SNX25: variants seen among roughly 807,000 people sequenced by gnomAD.
SNX25 encodes the protein sorting nexin-25.
In SNX25, 62 loss-of-function variants were observed where a neutral mutation model predicts 113.7. That is an observed-to-expected ratio of 0.55 (90% CI 0.44 to 0.67). The LOEUF (loss-of-function observed/expected upper bound fraction) is 0.67, where lower values mean the gene tolerates loss of function less well. Ranked by LOEUF, SNX25 falls within the 30% of genes least tolerant of loss-of-function variation. SNX25 has a pLI of 0.00. For missense variants in SNX25, 1,014 were observed against 1,161.0 expected, an observed-to-expected ratio of 0.87 and a Z score of 1.84; for synonymous variants, 421 against 436.2, an observed-to-expected ratio of 0.97 and a Z score of 0.43.
intron 13 of SNX25, among the ~76,000 whole-genome samples, chr4:185,348,402 T>G (rs1362356401): frequency 6.6e-6 from 1 of 152,064 alleles, no homozygotes; most frequent in Non-Finnish European, 1.5e-5. Context: ...TTTCTTTATT[T>G]TTTTTTTTGA....
At chr4:185,310,593 C>T (rs369125370) in intron 6 of SNX25, 42 bp from the exon 7 acceptor site, 11 of 1,572,784 alleles carry the variant, frequency 7.0e-6, no homozygotes, top group South Asian at 1.2e-5. Context: ...TCCTTTCATG[C>T]CTTGTCCTCT....
chr4:185,305,243 C>T (rs1262420455), intron 6 of SNX25, among the ~76,000 whole-genome samples: 1 of 152,158 alleles, frequency 6.6e-6, no homozygotes, highest in Non-Finnish European at 1.5e-5. Context: ...CCCCCCACAG[C>T]TGAGAACTAC....
At chr4:185,233,700 G>GTT (rs1560914318) in intron 1 of SNX25, among the ~76,000 whole-genome samples, 1 of 152,032 alleles carries the variant, frequency 6.6e-6, no homozygotes, top group Non-Finnish European at 1.5e-5. Flanking sequence ...ATTTTCAAGT[G>GTT]TTTGTCTGAT....
At chr4:185,370,601 T>A (rs552289992), downstream of SNX25, 1 of 1,597,810 alleles carries the variant, frequency 6.3e-7, no homozygotes, top group East Asian at 2.2e-5. Context: ...GCCTGGCAGT[T>A]TCTCTTTGGG....
chr4:185,250,553 G>A (rs1745486359), intron 2 of SNX25, among the ~76,000 whole-genome samples: 1 of 152,176 alleles, frequency 6.6e-6, no homozygotes, highest in African/African-American at 2.4e-5. Context: ...TTTACTGCCT[G>A]TACCTCTAAG....
chr4:185,224,221 G>A (rs1195806574), intron 1 of SNX25, among the ~76,000 whole-genome samples: 4 of 151,668 alleles, frequency 2.6e-5, no homozygotes, highest in Admixed American at 6.6e-5. Flanking sequence ...GCATGGTGGC[G>A]TATGCCTGTA....
chr4:185,212,491 G>T (rs59400541), intron 1 of SNX25, among the ~76,000 whole-genome samples: 7,538 of 103,900 alleles, frequency 0.073, 512 homozygotes, highest in Non-Finnish European at 0.092. Flanking sequence ...GTGTGTGTGT[G>T]TTTTTTTTTT....
At chr4:185,240,416 C>T (rs1743604427) in intron 1 of SNX25, among the ~76,000 whole-genome samples, 1 of 150,576 alleles carries the variant, frequency 6.6e-6, no homozygotes, top group African/African-American at 2.4e-5. Flanking sequence ...CACCTCCCTC[C>T]CGGATGGGGC....
intron 6 of SNX25, among the ~76,000 whole-genome samples, chr4:185,294,911 T>C (rs963753831): frequency 1.3e-5 from 2 of 152,172 alleles, no homozygotes; most frequent in African/African-American, 4.8e-5. Context: ...ACTTATTGGA[T>C]GTTACAGGAA....
At chr4:185,280,858 C>A (rs987473013) in intron 5 of SNX25, among the ~76,000 whole-genome samples, 1 of 152,162 alleles carries the variant, frequency 6.6e-6, no homozygotes, top group Non-Finnish European at 1.5e-5. Flanking sequence ...CTTTGATTTA[C>A]GACCCAGATG....
chr4:185,256,103 T>C (rs1746382000), intron 2 of SNX25, among the ~76,000 whole-genome samples: 1 of 152,194 alleles, frequency 6.6e-6, no homozygotes, highest in African/African-American at 2.4e-5. Flanking sequence ...CCTTCCTTTT[T>C]GTGTCCAGTG....
At chr4:185,292,699 G>A (rs1425877006) in intron 6 of SNX25, among the ~76,000 whole-genome samples, 3 of 152,216 alleles carry the variant, frequency 2.0e-5, no homozygotes, top group African/African-American at 4.8e-5. Context: ...CACCGCACCC[G>A]GCCATGGACA....
downstream of SNX25, chr4:185,364,612 T>C (rs770095162): frequency 3.3e-5 from 5 of 152,222 alleles, no homozygotes; most frequent in Admixed American, 6.5e-5. Context: ...AGATAAATGA[T>C]TAAAAATTAG....
At chr4:185,259,613 G>A (rs1746952235) in intron 3 of SNX25, among the ~76,000 whole-genome samples, 1 of 152,120 alleles carries the variant, frequency 6.6e-6, no homozygotes, top group African/African-American at 2.4e-5. Context: ...TGTACATATT[G>A]GAGCTTGTGG....
downstream of SNX25, among the ~76,000 whole-genome samples, chr4:185,368,273 T>A (rs919016059): frequency 2.0e-5 from 3 of 152,226 alleles, no homozygotes; most frequent in Non-Finnish European, 2.9e-5. Flanking sequence ...AATGCTGGTT[T>A]CACAGAAACC....
intron 6 of SNX25, among the ~76,000 whole-genome samples, chr4:185,291,375 C>G (rs1752148021): frequency 6.6e-6 from 1 of 152,192 alleles, no homozygotes; most frequent in Admixed American, 6.5e-5. Flanking sequence ...CCCCACTCCC[C>G]TCAGCCCGTG....
At chr4:185,237,902 T>A (rs375346267) in intron 1 of SNX25, among the ~76,000 whole-genome samples, 63 of 150,968 alleles carry the variant, frequency 4.2e-4, no homozygotes, top group African/African-American at 1.4e-3. Context: ...GTCTCTACTA[T>A]AAATACAAAA....
intron 6 of SNX25, among the ~76,000 whole-genome samples, chr4:185,297,761 T>C (rs951576569): frequency 1.3e-5 from 2 of 152,140 alleles, no homozygotes; most frequent in African/African-American, 4.8e-5. Flanking sequence ...AGAATTCTAG[T>C]CTTTCTCTTT....
chr4:185,249,782 C>G (rs1381068037), intron 2 of SNX25, among the ~76,000 whole-genome samples: 1 of 151,890 alleles, frequency 6.6e-6, no homozygotes. Flanking sequence ...CCATTTGGTT[C>G]TTTTTTTCTT....
Sources: allele counts gnomAD v4.1 joint callset (sites outside exome capture counted in the v4.1 genomes callset), GRCh38; gene constraint gnomAD v4.1.1; transcripts MANE v1.5; gene names NCBI Gene and HGNC (gene_info 2026-07-23, HGNC 2026-07-21).